SLC6A13: variants seen among roughly 807,000 people sequenced by gnomAD.
The protein encoded by SLC6A13 is sodium- and chloride-dependent GABA transporter 2.
In SLC6A13, 69 loss-of-function variants were observed where a neutral mutation model predicts 72.9. The ratio of observed to expected loss-of-function variants is 0.95; its 90% confidence interval spans 0.78 to 1.16. The LOEUF is 1.16. SLC6A13 is among the 50% of genes most tolerant of loss of function. The probability of loss-of-function intolerance (pLI) is 0.00; values close to 1 mark genes in which losing one functional copy is unlikely to be tolerated. For synonymous variants in SLC6A13, 303 were observed against 303.0 expected (o/e 1.00, Z 0.00); for missense variants, 735 against 760.5 (o/e 0.97, Z 0.39).
chr12:248,928 A>T (rs1410155339), intron 2 of SLC6A13, among the ~76,000 whole-genome samples: 3 of 152,222 alleles, frequency 2.0e-5, no homozygotes, highest in Non-Finnish European at 4.4e-5. Flanking sequence ...GCATCCAAGT[A>T]ATACAAAATT....
chr12:227,472 C>T (rs149148885), intron 8 of SLC6A13, 93 bp downstream of exon 8: 1 of 1,571,266 alleles, frequency 6.4e-7, no homozygotes, highest in Non-Finnish European at 8.6e-7. Flanking sequence ...GATCCAGGAG[C>T]TGATGCACCC....
chr12:260,404 C>T (rs1942889575), intron 1 of SLC6A13, among the ~76,000 whole-genome samples: 1 of 152,140 alleles, frequency 6.6e-6, no homozygotes, highest in African/African-American at 2.4e-5. Flanking sequence ...TCAGCCTCGT[C>T]GGGATTAGCA....
chr12:244,366 G>A (rs542608454), intron 2 of SLC6A13, among the ~76,000 whole-genome samples: 5 of 152,314 alleles, frequency 3.3e-5, no homozygotes, highest in African/African-American at 1.2e-4. Flanking sequence ...ATGGATTAAT[G>A]TTATTACTGT....
intron 2 of SLC6A13, among the ~76,000 whole-genome samples, chr12:246,084 A>G (rs1045797243): frequency 6.7e-6 from 1 of 148,856 alleles, no homozygotes; most frequent in East Asian, 2.0e-4. Flanking sequence ...TGCCACTGCA[A>G]TCCAGCCTGG....
At chr12:229,419 A>T (rs1298494471) in intron 7 of SLC6A13, among the ~76,000 whole-genome samples, 1 of 152,248 alleles carries the variant, frequency 6.6e-6, no homozygotes, top group African/African-American at 2.4e-5. Flanking sequence ...TCCTGCAAAG[A>T]TAGTCATCTC....
At chr12:256,886 G>C (rs776755836) in intron 2 of SLC6A13, among the ~76,000 whole-genome samples, 1 of 152,050 alleles carries the variant, frequency 6.6e-6, no homozygotes, top group Admixed American at 6.6e-5. Flanking sequence ...GTATCCCAGC[G>C]TCCTTGCTCA....
At chr12:239,076 G>A (rs538170232) in intron 4 of SLC6A13, among the ~76,000 whole-genome samples, 6 of 150,908 alleles carry the variant, frequency 4.0e-5, no homozygotes, top group East Asian at 3.9e-4. Context: ...GCTCTACCAC[G>A]TCCACCCTGT....
At chr12:221,275 A>G in intron 14 of SLC6A13, 101 bp downstream of exon 14, 1 of 1,348,852 alleles carries the variant, frequency 7.4e-7, no homozygotes, top group Non-Finnish European at 1.0e-6. Flanking sequence ...GCCCACTGGC[A>G]CCTCCACACA....
At chr12:232,300 T>A (rs1941740457) in intron 7 of SLC6A13, among the ~76,000 whole-genome samples, 1 of 152,156 alleles carries the variant, frequency 6.6e-6, no homozygotes, top group Non-Finnish European at 1.5e-5. Flanking sequence ...CTTTGTAGCT[T>A]AGCCACTGGT....
rs554227824 is a variant in SLC6A13, at chr12:237,756, A to G, written c.563+170T>C. Among the ~76,000 whole-genome samples, 532 of 152,332 alleles carry G rather than the reference A, an allele frequency of 3.5e-3. 7 individuals carry two copies. The highest frequency in any genetic ancestry group is 0.034 in the Middle Eastern group (10 of 294). ...GCCCCAGGAGAACTGCAGAAGTCTC[A>G]TCTCTGAAACCAGTCCTGCAATAAC... On this transcript the variant is annotated intron_variant, in intron 5 of 14. Transcript: ENST00000343164.
chr12:256,370 G>A (rs1476916420), intron 2 of SLC6A13: 1 of 152,294 alleles, frequency 6.6e-6, no homozygotes, highest in African/African-American at 2.4e-5. Flanking sequence ...TATAAAGCCA[G>A]TAGGATGAAG....
intron 1 of SLC6A13, among the ~76,000 whole-genome samples, chr12:261,305 A>T (rs1942919851): frequency 6.6e-6 from 1 of 152,228 alleles, no homozygotes; most frequent in African/African-American, 2.4e-5. Flanking sequence ...TTTATAAATA[A>T]GGAAGTTGCA....
At chr12:260,545 G>A (rs116303780) in intron 1 of SLC6A13, among the ~76,000 whole-genome samples, 29 of 152,350 alleles carry the variant, frequency 1.9e-4, no homozygotes, top group African/African-American at 7.0e-4. Context: ...AGTGAAAGGT[G>A]TAGCATTAGG....
intron 6 of SLC6A13, among the ~76,000 whole-genome samples, 172 bp from the exon 7 acceptor site, chr12:235,396 C>G (rs565920066): frequency 6.6e-6 from 1 of 152,052 alleles, no homozygotes; most frequent in Admixed American, 6.6e-5. Context: ...TTAGGGACCC[C>G]GAATGGAGGG....
In SLC6A13 at chr12:237,302, A is replaced by G. The variant is rs1293587589; in HGVS notation, c.564-12T>C. On this transcript the variant is annotated splice_polypyrimidine_tract_variant and intron_variant, in intron 5 of 14. Coordinates refer to ENST00000343164, the MANE Select transcript of SLC6A13 (RefSeq NM_016615.5). ...TCAAGACCCGCCGCCTGGGGAGAGA[A>G]GGGTTGAACCTGGCTTACTTTTTCT... 2 of 1,613,826 alleles carry G rather than the reference A, an allele frequency of 1.2e-6. No homozygotes were observed. Among genetic ancestry groups the G allele is most frequent in the African/African-American group, 1.3e-5 (1 of 74,946 alleles).
intron 6 of SLC6A13, among the ~76,000 whole-genome samples, chr12:236,603 T>C (rs7960083): frequency 0.84 from 127,481 of 152,186 alleles, 53,878 homozygotes; most frequent in Non-Finnish European, 0.91. Context: ...ATTCTCCCAA[T>C]AAGTGTGCTT....
intron 9 of SLC6A13, 87 bp from the exon 10 acceptor site, chr12:224,600 A>G (rs2137253415): frequency 9.5e-7 from 1 of 1,048,476 alleles, no homozygotes; most frequent in East Asian, 2.5e-5. Context: ...GTGGGGCCAC[A>G]GAATAACAGG....
At chr12:250,909 C>A (rs1342256911) in intron 2 of SLC6A13, among the ~76,000 whole-genome samples, 3 of 146,146 alleles carry the variant, frequency 2.1e-5, no homozygotes, top group Non-Finnish European at 4.5e-5. Context: ...ATTTTGGGAG[C>A]ATTCTGGGAG....
chr12:229,769 G>A (rs930118531), intron 7 of SLC6A13, among the ~76,000 whole-genome samples: 1 of 152,158 alleles, frequency 6.6e-6, no homozygotes, highest in Admixed American at 6.5e-5. Flanking sequence ...AAGGAAACAC[G>A]CCGCGGCTGC....
Sources: gnomAD v4.1 joint callset for allele counts (sites outside exome capture counted in the v4.1 genomes callset) on GRCh38, gnomAD v4.1.1 for gene constraint, MANE v1.5 for transcripts, NCBI Gene and HGNC (gene_info 2026-07-23, HGNC 2026-07-21) for gene names.